HS1BP3: variants seen among roughly 807,000 people sequenced by gnomAD.
HS1BP3 encodes HCLS1 binding protein 3, also known as HCLS1-binding protein 3.
HS1BP3 carries 32 observed loss-of-function variants against 33.5 expected under a neutral mutation model. The observed-to-expected ratio is 0.95, with a 90% CI of 0.72 to 1.28. HS1BP3 has a LOEUF of 1.28. Among genes scored for constraint, HS1BP3 ranks in the 50% most tolerant of loss-of-function variants. HS1BP3 has a pLI of 0.00. For synonymous variants in HS1BP3, 187 were observed against 209.2 expected (o/e 0.89, Z 0.92); for missense variants, 486 against 502.3 (o/e 0.97, Z 0.31).
intron 4 of HS1BP3, among the ~76,000 whole-genome samples, chr2:20,626,888 C>G (rs959302434): frequency 2.6e-5 from 4 of 152,204 alleles, no homozygotes; most frequent in African/African-American, 9.6e-5. Flanking sequence ...CCCCTTTATT[C>G]TTACCAATCA....
At chr2:20,582,529 C>T (rs181430718) in intron 5 of HS1BP3, among the ~76,000 whole-genome samples, 79 of 152,238 alleles carry the variant, frequency 5.2e-4, no homozygotes, top group African/African-American at 1.8e-3. Context: ...TTGAATTCCT[C>T]CATTTCCAGC....
In HS1BP3 at chr2:20,649,889, C is replaced by A. The variant is rs554128402; in HGVS notation, c.32+1143G>T. Among the ~76,000 whole-genome samples the A allele has an allele frequency of 1.3e-4, 20 of 152,196 alleles. 1 individual carries two copies. Among genetic ancestry groups the A allele is most frequent in the Non-Finnish European group, 2.6e-4 (18 of 68,026 alleles). On this transcript the variant is annotated intron_variant, in intron 1 of 6. Transcript: ENST00000304031. ...AGGGAGGGAAGCCACCCACCCCATCCCAAGCACCCAGCACCAAAGTCACAC... is the reference window on the plus strand; with the variant it reads ...AGGGAGGGAAGCCACCCACCCCATCACAAGCACCCAGCACCAAAGTCACAC...
chr2:20,576,803 C>G (rs1693411473), intron 5 of HS1BP3, among the ~76,000 whole-genome samples: 1 of 152,228 alleles, frequency 6.6e-6, no homozygotes, highest in African/African-American at 2.4e-5. Context: ...CTCCCGGAAG[C>G]TGAACTTATC....
At chr2:20,635,863 T>A (rs1695110072) in intron 4 of HS1BP3, 1 of 152,090 alleles carries the variant, frequency 6.6e-6, no homozygotes, top group South Asian at 2.1e-4. Context: ...CGCTCTCTTG[T>A]CCCTAATCAA....
At chr2:20,589,110 G>A (rs1448779614), downstream of HS1BP3, among the ~76,000 whole-genome samples, 1 of 152,180 alleles carries the variant, frequency 6.6e-6, no homozygotes, top group Non-Finnish European at 1.5e-5. Context: ...TTGCCCTGGG[G>A]GCCACAGAAT....
intron 5 of HS1BP3, among the ~76,000 whole-genome samples, chr2:20,566,468 G>A (rs1002913700): frequency 6.6e-6 from 1 of 152,212 alleles, no homozygotes; most frequent in Non-Finnish European, 1.5e-5. Context: ...TGGCTCTCTG[G>A]TCAAGGAAGA....
At chr2:20,578,938 C>G (rs1212220169) in intron 5 of HS1BP3, among the ~76,000 whole-genome samples, 1 of 152,226 alleles carries the variant, frequency 6.6e-6, no homozygotes, top group Non-Finnish European at 1.5e-5. Flanking sequence ...TACTACAAGG[C>G]TTTCTGTTTC....
chr2:20,557,231 A>T (rs894172944), downstream of HS1BP3, among the ~76,000 whole-genome samples: 1 of 151,870 alleles, frequency 6.6e-6, no homozygotes, highest in South Asian at 2.1e-4. Flanking sequence ...CTCTTTTTTT[A>T]TTTTCTGGAA....
chr2:20,563,112 G>A (rs370137982), intron 5 of HS1BP3, among the ~76,000 whole-genome samples: 4 of 152,348 alleles, frequency 2.6e-5, no homozygotes, highest in East Asian at 1.9e-4. Flanking sequence ...CTGTGAAGGC[G>A]TGTGCATCCT....
chr2:20,599,553 T>C (rs1694022604), intron 2 of HS1BP3, among the ~76,000 whole-genome samples: 1 of 151,856 alleles, frequency 6.6e-6, no homozygotes, highest in Admixed American at 6.5e-5. Context: ...CTTTGAGCCT[T>C]ATCTGCCATG....
intron 5 of HS1BP3, among the ~76,000 whole-genome samples, chr2:20,571,955 C>A (rs886765867): frequency 2.0e-5 from 3 of 152,222 alleles, no homozygotes; most frequent in Non-Finnish European, 2.9e-5. Flanking sequence ...CTCTCAGATC[C>A]CCGCAGGCCT....
intron 5 of HS1BP3, among the ~76,000 whole-genome samples, chr2:20,576,037 G>A (rs1693391912): frequency 6.6e-6 from 1 of 152,136 alleles, no homozygotes; most frequent in East Asian, 1.9e-4. Flanking sequence ...CTCCCAGGCT[G>A]GAGTGCAGTG....
At chr2:20,640,935 G>A (rs751611939) in intron 3 of HS1BP3, 38 bp downstream of exon 3, 19 of 1,598,534 alleles carry the variant, frequency 1.2e-5, no homozygotes, top group South Asian at 2.2e-5. Context: ...GTTCTGGGCC[G>A]GGGAGACCTG....
intron 5 of HS1BP3, 26 bp from the exon 6 acceptor site, chr2:20,624,057 T>C (rs1339569229): frequency 1.2e-6 from 2 of 1,607,570 alleles, no homozygotes; most frequent in South Asian, 1.1e-5. Context: ...AGCAGGGGGG[T>C]CAGAGGAAGC....
chr2:20,589,309 A>C (rs1294456140), downstream of HS1BP3, among the ~76,000 whole-genome samples: 6 of 152,166 alleles, frequency 3.9e-5, no homozygotes. Flanking sequence ...TGTCTCTCTG[A>C]AACTGTGCTG....
chr2:20,614,831 G>A (rs1044815784), downstream of HS1BP3, among the ~76,000 whole-genome samples: 2 of 152,232 alleles, frequency 1.3e-5, no homozygotes, highest in Non-Finnish European at 2.9e-5. Flanking sequence ...TCCCACTTCA[G>A]AAGCTGTAGC....
At chr2:20,561,415 T>C (rs1372197506) in intron 5 of HS1BP3, among the ~76,000 whole-genome samples, 3 of 152,172 alleles carry the variant, frequency 2.0e-5, no homozygotes, top group African/African-American at 7.2e-5. Flanking sequence ...TAAATGGGCC[T>C]CACAATGCCT....
At position 20,633,897 on chromosome 2, in the gene HS1BP3, G is replaced by A. The variant is rs1695040985; in HGVS notation, c.623+4539C>T. 2.0e-5 allele frequency among the ~76,000 whole-genome samples: 3 copies of A among 152,386 alleles called. No homozygotes were observed. The South Asian group carries it at 6.2e-4, about 32-fold the overall frequency. ...CTGTGATCACTGTGACAGCCTGGGT[G>A]GAGTGCCGCCTGCGTGACGCTGCAG... On this transcript the variant is annotated intron_variant, in intron 4 of 6. Coordinates refer to ENST00000304031, the MANE Select transcript of HS1BP3 (RefSeq NM_022460.4).
chr2:20,631,462 C>T (rs1694964586), intron 4 of HS1BP3, among the ~76,000 whole-genome samples: 1 of 128,152 alleles, frequency 7.8e-6, no homozygotes, highest in Non-Finnish European at 1.6e-5. Flanking sequence ...CTGTAGTTAG[C>T]TGAGATCACA....
Sources: gnomAD v4.1 joint callset for allele counts (sites outside exome capture counted in the v4.1 genomes callset) on GRCh38, gnomAD v4.1.1 for gene constraint, MANE v1.5 for transcripts, NCBI Gene and HGNC (gene_info 2026-07-23, HGNC 2026-07-21) for gene names.